Variants in AKT3 observed in about 807,000 individuals in gnomAD.
The protein encoded by AKT3 is RAC-gamma serine/threonine-protein kinase.
AKT3 carries 15 observed loss-of-function variants against 65.3 expected under a neutral mutation model. The ratio of observed to expected loss-of-function variants is 0.23; its 90% CI spans 0.15 to 0.35. The LOEUF is 0.35. AKT3 is among the 10% of genes least tolerant of loss of function. The pLI, the probability that AKT3 is intolerant of heterozygous loss-of-function variation, is 1.00. For synonymous variants in AKT3, 206 were observed against 183.8 expected (o/e 1.12, Z -0.98); for missense variants, 243 against 576.5 (o/e 0.42, Z 5.92).
At chr1:243,798,393 ATT>A (rs759264137) in intron 2 of AKT3, among the ~76,000 whole-genome samples, 3 of 83,322 alleles carry the variant, frequency 3.6e-5, no homozygotes, top group East Asian at 3.8e-4. Context: ...CTAATTTTTA[ATT>A]TTTTTTTTTT....
At chr1:243,514,569 G>A (rs181658043) in intron 12 of AKT3, among the ~76,000 whole-genome samples, 1 of 152,242 alleles carries the variant, frequency 6.6e-6, no homozygotes, top group Admixed American at 6.5e-5. Context: ...TACTGTCAAT[G>A]TTCATCACCA....
At chr1:243,782,140 G>T (rs971162831) in intron 2 of AKT3, among the ~76,000 whole-genome samples, 2 of 152,218 alleles carry the variant, frequency 1.3e-5, no homozygotes, top group East Asian at 3.9e-4. Context: ...TCTCTTAATG[G>T]CCCTTTGGAG....
intron 2 of AKT3, among the ~76,000 whole-genome samples, chr1:243,769,117 G>GT (rs1008537525): frequency 5.9e-4 from 89 of 152,058 alleles, no homozygotes; most frequent in African/African-American, 2.0e-3. Flanking sequence ...TTTGTGTGTA[G>GT]TTTTTTTCAC....
intron 2 of AKT3, among the ~76,000 whole-genome samples, chr1:243,706,821 T>G (rs1286106481): frequency 6.6e-6 from 1 of 152,164 alleles, no homozygotes; most frequent in Non-Finnish European, 1.5e-5. Flanking sequence ...GGTGCTGCAG[T>G]ATTCTCACTT....
intron 2 of AKT3, among the ~76,000 whole-genome samples, chr1:243,839,229 C>T (rs1695083558): frequency 6.6e-6 from 1 of 152,032 alleles, no homozygotes; most frequent in Non-Finnish European, 1.5e-5. Flanking sequence ...ACACTAAGTA[C>T]CTTCATAGCA....
chr1:243,661,844 C>G (rs1682367856), intron 4 of AKT3, among the ~76,000 whole-genome samples: 1 of 149,174 alleles, frequency 6.7e-6, no homozygotes, highest in Non-Finnish European at 1.5e-5. Context: ...ACAATGAACT[C>G]AAACAAATTT....
intron 4 of AKT3, among the ~76,000 whole-genome samples, chr1:243,648,955 A>G (rs1261189893): frequency 1.3e-5 from 2 of 150,750 alleles, no homozygotes; most frequent in Non-Finnish European, 3.0e-5. Flanking sequence ...CTTTTGGTTT[A>G]TTTTTCTGGT....
intron 2 of AKT3, among the ~76,000 whole-genome samples, chr1:243,800,872 C>T (rs1241611612): frequency 1.3e-5 from 2 of 152,134 alleles, no homozygotes; most frequent in African/African-American, 4.8e-5. Context: ...CTATAAATAT[C>T]ATATAATTAA....
At chr1:243,628,667 T>C (rs1280077743) in intron 6 of AKT3, among the ~76,000 whole-genome samples, 7 of 152,168 alleles carry the variant, frequency 4.6e-5, no homozygotes, top group African/African-American at 9.7e-5. Context: ...TATTGCCACA[T>C]CCTACTGTTC....
chr1:243,734,769 T>C (rs1043670507), intron 2 of AKT3, among the ~76,000 whole-genome samples: 7 of 152,250 alleles, frequency 4.6e-5, no homozygotes, highest in African/African-American at 1.7e-4. Flanking sequence ...ACTTTTTTAC[T>C]TCATAAACTG....
At chr1:243,708,858 AC>A (rs1273108654) in intron 2 of AKT3, among the ~76,000 whole-genome samples, 1 of 151,996 alleles carries the variant, frequency 6.6e-6, no homozygotes, top group Non-Finnish European at 1.5e-5. Flanking sequence ...CAATACCAAT[AC>A]ACTCGTTTGT....
At chr1:243,544,749 G>A (rs1672550233) in intron 12 of AKT3, among the ~76,000 whole-genome samples, 1 of 150,300 alleles carries the variant, frequency 6.7e-6, no homozygotes, top group Non-Finnish European at 1.5e-5. Context: ...TGTCATCCAG[G>A]CTGGAGTACA....
Position 243,501,814 on chromosome 1 carries a change from T to C in AKT3, c.*3435A>G, listed in dbSNP as rs1669333080. On this transcript the variant is annotated 3_prime_UTR_variant, in exon 14 of 14. Transcript: ENST00000673466. ...AAGCTGTCTGTACGAAGGAAAATCA[T>C]GTTCATCCCTATCATATACGTGTAA... 4.3e-6 allele frequency: 1 copy of C among 232,838 alleles called. No homozygotes were observed. The highest frequency in any genetic ancestry group is 5.6e-5 in the Admixed American group (1 of 17,782). 14.4% of individuals were successfully genotyped at this position (232,838 alleles called of 1,614,324 possible).
At chr1:243,818,917 G>A (rs921077968) in intron 2 of AKT3, among the ~76,000 whole-genome samples, 1 of 152,196 alleles carries the variant, frequency 6.6e-6, no homozygotes, top group Non-Finnish European at 1.5e-5. Flanking sequence ...GAGCCACAAT[G>A]GAGAAAGGGG....
intron 11 of AKT3, among the ~76,000 whole-genome samples, chr1:243,551,775 T>A (rs1001113158): frequency 1.3e-5 from 2 of 152,134 alleles, no homozygotes; most frequent in Admixed American, 1.3e-4. Context: ...AACATTTTAA[T>A]ATTAATAGTC....
intron 5 of AKT3, among the ~76,000 whole-genome samples, chr1:243,641,208 G>A (rs1680360659): frequency 6.7e-6 from 1 of 149,608 alleles, no homozygotes; most frequent in Admixed American, 6.6e-5. Context: ...GTGGAACCTT[G>A]TGATCGTGTG....
intron 6 of AKT3, among the ~76,000 whole-genome samples, chr1:243,631,188 A>G (rs902023650): frequency 6.6e-6 from 1 of 152,240 alleles, no homozygotes; most frequent in Non-Finnish European, 1.5e-5. Context: ...CTGCCAAAAA[A>G]GGCTAAGGGT....
At chr1:243,491,722 A>G (rs1666456557) in intron 13 of AKT3, among the ~76,000 whole-genome samples, 2 of 152,180 alleles carry the variant, frequency 1.3e-5, no homozygotes, top group South Asian at 4.1e-4. Context: ...AGGTTCGAGC[A>G]GGTATTTTGG....
In AKT3 at chr1:243,542,913, C is replaced by A. The variant is rs189693286; in HGVS notation, c.1251+2597G>T. ...GAACACCAGAGCCTCGCGGGTCACA[C>A]AGGACACCGTGAGTAAGCCTGTAGA... On this transcript the variant is annotated intron_variant, in intron 12 of 13. Transcript: ENST00000673466. Among the ~76,000 whole-genome samples, 268 of 152,242 alleles carry A rather than the reference C, an allele frequency of 1.8e-3. 6 individuals are homozygous for A. The highest frequency in any genetic ancestry group is 1.7e-3 in the East Asian group (9 of 5,186).
Sources: gnomAD v4.1 joint callset for allele counts (sites outside exome capture counted in the v4.1 genomes callset) on GRCh38, gnomAD v4.1.1 for gene constraint, MANE v1.5 for transcripts, NCBI Gene and HGNC (gene_info 2026-07-23, HGNC 2026-07-21) for gene names.